MCC: variants seen among roughly 807,000 people sequenced by gnomAD.
MCC encodes MCC regulator of Wnt signaling pathway.
A neutral mutation model predicts 116.2 loss-of-function variants in MCC; 90 were observed. The ratio of observed to expected loss-of-function variants is 0.77; its 90% CI spans 0.65 to 0.92. MCC has a LOEUF of 0.92. Ranked by LOEUF, MCC falls within the 40% of genes least tolerant of loss-of-function variation. The pLI is 0.00. For synonymous variants in MCC, 578 were observed against 510.5 expected (o/e 1.13, Z -1.78); for missense variants, 1,516 against 1,312.2 (o/e 1.16, Z -2.40).
intron 3 of MCC, among the ~76,000 whole-genome samples, chr5:113,174,894 A>AT (rs748049948): frequency 1.0e-3 from 153 of 150,606 alleles, no homozygotes; most frequent in African/African-American, 2.5e-3. Flanking sequence ...CAGATGACAG[A>AT]TTTTTTTTTT....
chr5:113,108,754 C>T (rs528832418), intron 6 of MCC, among the ~76,000 whole-genome samples: 9 of 152,224 alleles, frequency 5.9e-5, no homozygotes, highest in African/African-American at 1.9e-4. Flanking sequence ...TGCACAGACT[C>T]TGAAGAATAT....
chr5:113,205,527 C>T (rs1762879457), intron 3 of MCC, among the ~76,000 whole-genome samples: 1 of 152,206 alleles, frequency 6.6e-6, no homozygotes, highest in South Asian at 2.1e-4. Flanking sequence ...CTCTGTGTAT[C>T]TACCAGGGTC....
At chr5:113,028,575 T>A (rs1041245400) in intron 18 of MCC, among the ~76,000 whole-genome samples, 3 of 152,324 alleles carry the variant, frequency 2.0e-5, no homozygotes, top group East Asian at 3.9e-4. Flanking sequence ...ATTGTGTTGC[T>A]CAAATAAATT....
chr5:113,347,157 C>G (rs748772242), intron 2 of MCC, among the ~76,000 whole-genome samples: 2 of 152,062 alleles, frequency 1.3e-5, no homozygotes, highest in Non-Finnish European at 2.9e-5. Flanking sequence ...ATAAAACTCA[C>G]TTTCAATAGT....
intron 2 of MCC, among the ~76,000 whole-genome samples, chr5:113,350,870 G>C (rs1264244438): frequency 2.0e-5 from 3 of 151,988 alleles, no homozygotes; most frequent in African/African-American, 7.2e-5. Context: ...TTTAAAAATG[G>C]GCAAAAAATA....
At chr5:113,102,089 A>G in intron 7 of MCC, 144 bp from the exon 8 acceptor site, 1 of 764,366 alleles carries the variant, frequency 1.3e-6, no homozygotes, top group Non-Finnish European at 2.1e-6. Flanking sequence ...ATGACTACAG[A>G]CACCCCAAAG....
intron 3 of MCC, among the ~76,000 whole-genome samples, chr5:113,181,285 G>A (rs114300658): frequency 9.2e-5 from 14 of 152,092 alleles, no homozygotes; most frequent in Admixed American, 7.2e-4. Context: ...CACCACTATC[G>A]GTCAGAACAC....
chr5:113,312,376 G>A (rs1490853070), intron 3 of MCC, among the ~76,000 whole-genome samples: 1 of 152,212 alleles, frequency 6.6e-6, no homozygotes, highest in South Asian at 2.1e-4. Context: ...GGTGGGGAGT[G>A]AGGTTAAGGA....
intron 3 of MCC, among the ~76,000 whole-genome samples, chr5:113,247,705 A>G (rs1764629207): frequency 6.6e-6 from 1 of 152,132 alleles, no homozygotes; most frequent in Admixed American, 6.6e-5. Flanking sequence ...GATGTAACAA[A>G]GGACGTCCTA....
At chr5:113,259,379 A>G (rs1009235780) in intron 3 of MCC, among the ~76,000 whole-genome samples, 6 of 152,214 alleles carry the variant, frequency 3.9e-5, no homozygotes, top group Admixed American at 3.3e-4. Flanking sequence ...CCTCAAAGTC[A>G]TTCAGCCCTA....
At chr5:113,293,088 T>C (rs1440166532) in intron 3 of MCC, among the ~76,000 whole-genome samples, 1 of 152,096 alleles carries the variant, frequency 6.6e-6, no homozygotes, top group Non-Finnish European at 1.5e-5. Context: ...AAAATGCTAT[T>C]TCAAACCGGA....
In MCC at chr5:113,022,824, C is replaced by T. The variant is rs1750241118; in HGVS notation, c.*4478G>A. On this transcript the variant is annotated 3_prime_UTR_variant, in exon 19 of 19. Coordinates refer to ENST00000408903, the MANE Select transcript of MCC (RefSeq NM_001085377.2). ...GACTGTGGAAAGATGAAGTACTAGT[C>T]AAGGATGTGGTTTTACATAGCAGTT... 1 of 152,322 alleles carries T rather than the reference C, an allele frequency of 6.6e-6. No homozygotes were observed. Among genetic ancestry groups the T allele is most frequent in the Non-Finnish European group, 1.5e-5 (1 of 68,036 alleles). 9.4% of individuals were successfully genotyped at this position (152,322 alleles called of 1,614,324 possible).
At chr5:113,479,968 G>A (rs1290763577) in intron 1 of MCC, among the ~76,000 whole-genome samples, 1 of 152,142 alleles carries the variant, frequency 6.6e-6, no homozygotes, top group African/African-American at 2.4e-5. Flanking sequence ...CTTATGTCAT[G>A]AGAATCTACT....
chr5:113,488,129 C>T, intron 1 of MCC, 116 bp downstream of exon 1: 1 of 1,110,344 alleles, frequency 9.0e-7, no homozygotes, highest in Non-Finnish European at 1.2e-6. Context: ...GCCAACTTTT[C>T]CCGCGAGCTT....
rs115953750 is a variant in MCC at position 113,122,681 on chromosome 5, C to T, written c.1027+3G>A. 196 of 1,613,956 alleles carry T rather than the reference C, an allele frequency of 1.2e-4. No homozygotes were observed. The African/African-American group carries it at 2.3e-3, about 19-fold the overall frequency. ...GCTTGGTGGCAAGGGCAGGCAGACT[C>T]ACCCATGTCAGCAGTAACCATGGTA... On this transcript the variant is annotated splice_donor_region_variant and intron_variant, in intron 6 of 18. Transcript: ENST00000408903.
chr5:113,177,895 T>G (rs1163185834), intron 3 of MCC, among the ~76,000 whole-genome samples: 1 of 152,214 alleles, frequency 6.6e-6, no homozygotes, highest in African/African-American at 2.4e-5. Flanking sequence ...CTTTACTAAT[T>G]TAAAATAATG....
At chr5:113,157,916 G>A (rs543967391) in intron 3 of MCC, among the ~76,000 whole-genome samples, 2 of 152,208 alleles carry the variant, frequency 1.3e-5, no homozygotes, top group Non-Finnish European at 2.9e-5. Flanking sequence ...CTTATGCTTC[G>A]GGCCATTATG....
At chr5:113,178,035 A>G (rs1252323598) in intron 3 of MCC, among the ~76,000 whole-genome samples, 1 of 152,250 alleles carries the variant, frequency 6.6e-6, no homozygotes, top group Non-Finnish European at 1.5e-5. Flanking sequence ...GCAAAACAAT[A>G]CCCAAAACAG....
At chr5:113,189,218 C>G (rs138903986) in intron 3 of MCC, among the ~76,000 whole-genome samples, 2 of 152,350 alleles carry the variant, frequency 1.3e-5, no homozygotes, top group African/African-American at 4.8e-5. Context: ...TTTGGAAGAG[C>G]TGGCATCTTA....
Sources: allele counts gnomAD v4.1 joint callset (sites outside exome capture counted in the v4.1 genomes callset), GRCh38; gene constraint gnomAD v4.1.1; transcripts MANE v1.5; gene names NCBI Gene and HGNC (gene_info 2026-07-23, HGNC 2026-07-21).